FIGN: variants seen among roughly 807,000 people sequenced by gnomAD.
FIGN encodes the protein fidgetin.
FIGN carries 11 observed loss-of-function variants against 51.3 expected under a neutral mutation model. That is an observed-to-expected ratio of 0.21 (90% CI 0.13 to 0.35). The LOEUF is 0.35. FIGN is among the 10% of genes least tolerant of loss of function. The probability of loss-of-function intolerance (pLI) is 1.00; values close to 1 mark genes in which losing one functional copy is unlikely to be tolerated. For synonymous variants in FIGN, 407 were observed against 363.2 expected (o/e 1.12, Z -1.37); for missense variants, 857 against 943.6 (o/e 0.91, Z 1.20).
intron 2 of FIGN, among the ~76,000 whole-genome samples, chr2:163,690,750 C>T (rs1329863523): frequency 6.6e-6 from 1 of 151,576 alleles, no homozygotes; most frequent in Non-Finnish European, 1.5e-5. Flanking sequence ...TTAATTGTGG[C>T]ACATTTTAAA....
intron 2 of FIGN, among the ~76,000 whole-genome samples, chr2:163,651,068 A>G (rs1683466331): frequency 6.6e-6 from 1 of 152,260 alleles, no homozygotes. Context: ...ACTGCAATTA[A>G]GTAACGTTCT....
At chr2:163,671,582 C>G (rs762010543) in intron 2 of FIGN, among the ~76,000 whole-genome samples, 5 of 152,160 alleles carry the variant, frequency 3.3e-5, no homozygotes, top group Non-Finnish European at 5.9e-5. Flanking sequence ...TGAAAGATAA[C>G]TCACAAAATT....
chr2:163,630,617 A>C (rs955132686), intron 2 of FIGN, among the ~76,000 whole-genome samples: 6 of 150,440 alleles, frequency 4.0e-5, no homozygotes, highest in African/African-American at 1.5e-4. Context: ...CCACCCTTGA[A>C]ACATAGGCCT....
chr2:163,605,326 A>G lies in FIGN; in HGVS notation c.*4226T>C, dbSNP rs1378725743. 1.3e-5 allele frequency: 2 copies of G among 152,102 alleles called. No individual in the cohort carries two copies. The highest frequency in any genetic ancestry group is 2.9e-5 in the Non-Finnish European group (2 of 68,000). The allele number at this position is 152,102 out of a possible 1,614,324, so 9.4% of individuals were successfully genotyped here. A position where few individuals can be genotyped will look rare whatever the true frequency, so the allele number is the denominator to read the frequency against. Reference sequence around the variant, plus strand: ...CTTAGCAAAGTGTGAGCTTCAGTTCATGTGTTGGTTAGTCACAAGTACAGC... The same window carrying G: ...CTTAGCAAAGTGTGAGCTTCAGTTCGTGTGTTGGTTAGTCACAAGTACAGC... On this transcript the variant is annotated 3_prime_UTR_variant, in exon 3 of 3. Coordinates refer to ENST00000333129, the MANE Select transcript of FIGN (RefSeq NM_018086.4).
In FIGN at chr2:163,642,113, A is replaced by C. The variant is rs867393099; in HGVS notation, c.26-30307T>G. ...CAATACTATAGGACATTCTGGCTTC[A>C]AACTTAGGTCACTTGGGAATGGCTG... On this transcript the variant is annotated intron_variant, in intron 2 of 2. Transcript: ENST00000333129. Among the ~76,000 whole-genome samples, 3 of 152,206 alleles carry C rather than the reference A, an allele frequency of 2.0e-5. No individual in the cohort carries two copies. In the South Asian group the frequency reaches 6.2e-4, roughly 31 times the overall value.
At chr2:163,692,119 A>G (rs964436526) in intron 2 of FIGN, among the ~76,000 whole-genome samples, 5 of 152,228 alleles carry the variant, frequency 3.3e-5, no homozygotes, top group African/African-American at 1.2e-4. Context: ...TATGAACAAA[A>G]TTATTAAAAT....
chr2:163,660,159 G>A (rs1219138577), intron 2 of FIGN, among the ~76,000 whole-genome samples: 1 of 151,950 alleles, frequency 6.6e-6, no homozygotes, highest in Non-Finnish European at 1.5e-5. Flanking sequence ...ACTTATCACA[G>A]TCTGATCTTA....
chr2:163,615,027 A>G (rs1682848094), intron 2 of FIGN, among the ~76,000 whole-genome samples: 1 of 152,162 alleles, frequency 6.6e-6, no homozygotes. Context: ...AAATTTCGTA[A>G]GATTTCTTTT....
intron 2 of FIGN, among the ~76,000 whole-genome samples, chr2:163,659,812 T>G (rs1028003898): frequency 1.3e-5 from 2 of 152,138 alleles, no homozygotes; most frequent in Admixed American, 1.3e-4. Flanking sequence ...GGCATGTGCA[T>G]AGTAAAGAGG....
chr2:163,680,742 C>A (rs1684049474), intron 2 of FIGN, among the ~76,000 whole-genome samples: 2 of 151,916 alleles, frequency 1.3e-5, no homozygotes, highest in Non-Finnish European at 2.9e-5. Context: ...CATGCAGCCT[C>A]TTTGGGGCTC....
In FIGN at chr2:163,608,045, T is replaced by C. The variant is rs182996669; in HGVS notation, c.*1507A>G. The C allele has an allele frequency of 6.3e-3, 967 of 152,752 alleles. 4 individuals carry two copies. Among genetic ancestry groups the C allele is most frequent in the Non-Finnish European group, 0.011 (718 of 68,042 alleles). 9.5% of individuals were successfully genotyped at this position (152,752 alleles called of 1,614,324 possible). A position where few individuals can be genotyped will look rare whatever the true frequency, so the allele number is the denominator to read the frequency against. ...TGGAAACTAGATTTACGGTGAAAGATGGAAGAAAACAAAGTAACATGTTTG... is the reference window on the plus strand; with the variant it reads ...TGGAAACTAGATTTACGGTGAAAGACGGAAGAAAACAAAGTAACATGTTTG... On this transcript the variant is annotated 3_prime_UTR_variant, in exon 3 of 3. Transcript: ENST00000333129.
rs936402063 is a variant in FIGN, at chr2:163,611,039, C to A, written c.793G>T (p.Gly265Trp). Reference sequence around the variant, plus strand: ...GCTGAAGGCGGAGGCGGTGCCCCCCCAGGGCTGTACCCAGACCCCACAGCA... The same window carrying A: ...GCTGAAGGCGGAGGCGGTGCCCCCCAAGGGCTGTACCCAGACCCCACAGCA... ...QTAVGSGYSPGGAPPPPSAYL... is the reference protein window; with the variant it reads ...QTAVGSGYSPWGAPPPPSAYL... The change falls in exon 3 of 3, where the codon GGG becomes TGG. Residue 265 changes from glycine (G) to tryptophan (W), a missense_variant. Around this residue, in one of 3 missense-constraint regions of FIGN, gnomAD observed 799 missense variants for 849.5 expected, o/e 0.94. Transcript: ENST00000333129. 2 of 1,613,892 alleles carry A rather than the reference C, an allele frequency of 1.2e-6. No individual in the cohort carries two copies. Among genetic ancestry groups the A allele is most frequent in the Non-Finnish European group, 1.7e-6 (2 of 1,180,010 alleles).
At chr2:163,734,010 C>A (rs1047903244) in intron 2 of FIGN, among the ~76,000 whole-genome samples, 2 of 147,722 alleles carry the variant, frequency 1.4e-5, no homozygotes, top group African/African-American at 5.0e-5. Flanking sequence ...ACTTTAACAT[C>A]TTTTTGTTGT....
chr2:163,645,327 C>T (rs1298514252), intron 2 of FIGN, among the ~76,000 whole-genome samples: 1 of 152,026 alleles, frequency 6.6e-6, no homozygotes, highest in Non-Finnish European at 1.5e-5. Context: ...TCAGGAAAGG[C>T]CCTAGCATTG....
intron 2 of FIGN, among the ~76,000 whole-genome samples, chr2:163,625,631 A>AAT: frequency 6.6e-6 from 1 of 152,198 alleles, no homozygotes; most frequent in Admixed American, 6.6e-5. Flanking sequence ...TGCTAAAATA[A>AAT]ATATATTATC....
chr2:163,633,472 C>T (rs907447690), intron 2 of FIGN, among the ~76,000 whole-genome samples: 7 of 152,154 alleles, frequency 4.6e-5, no homozygotes, highest in Admixed American at 6.5e-5. Flanking sequence ...AGCCAGGATT[C>T]GAAACCAGGC....
intron 2 of FIGN, among the ~76,000 whole-genome samples, chr2:163,733,184 CAT>C (rs1684959324): frequency 6.6e-6 from 1 of 152,066 alleles, no homozygotes; most frequent in South Asian, 2.1e-4. Context: ...GACATTTAAA[CAT>C]AGGGAAATGA....
At position 163,619,854 on chromosome 2, in the gene FIGN, A is replaced by T. The variant is rs188157838; in HGVS notation, c.26-8048T>A. On this transcript the variant is annotated intron_variant, in intron 2 of 2. Coordinates refer to ENST00000333129, the MANE Select transcript of FIGN (RefSeq NM_018086.4). ...AAAGTATACAAGTGAACATATTATC[A>T]TGCTCACACACAAATCCACATAGTT... Among the ~76,000 whole-genome samples the T allele has an allele frequency of 1.6e-3, 247 of 152,284 alleles. 1 individual carries two copies. The highest frequency in any genetic ancestry group is 5.4e-3 in the African/African-American group (224 of 41,560).
intron 2 of FIGN, among the ~76,000 whole-genome samples, chr2:163,658,685 C>A (rs1214959337): frequency 6.6e-6 from 1 of 152,052 alleles, no homozygotes; most frequent in East Asian, 1.9e-4. Context: ...AGAGTGAGCA[C>A]TCACTCTCTC....
Sources: allele counts gnomAD v4.1 joint callset (sites outside exome capture counted in the v4.1 genomes callset), GRCh38; gene constraint gnomAD v4.1.1; regional missense constraint gnomAD v4.1.1; transcripts MANE v1.5; gene names NCBI Gene and HGNC (gene_info 2026-07-23, HGNC 2026-07-21).